Variants in CYREN observed in about 807,000 individuals in gnomAD.
CYREN encodes the protein cell cycle regulator of NHEJ.
A neutral mutation model predicts 9.7 loss-of-function variants in CYREN; 7 were observed. That is an observed-to-expected ratio of 0.72 (90% CI 0.41 to 1.36). CYREN has a LOEUF of 1.36. Among genes scored for constraint, CYREN ranks in the 40% most tolerant of loss-of-function variants. The probability of loss-of-function intolerance (pLI) is 0.01; values close to 1 mark genes in which losing one functional copy is unlikely to be tolerated. For missense variants in CYREN, 215 were observed against 198.1 expected (o/e 1.09, Z -0.51); for synonymous variants, 76 against 77.9 (o/e 0.98, Z 0.13).
intron 2 of CYREN, among the ~76,000 whole-genome samples, chr7:135,152,114 A>G (rs1829678615): frequency 6.6e-6 from 1 of 152,264 alleles, no homozygotes; most frequent in Non-Finnish European, 1.5e-5. Flanking sequence ...TTTAATTTCC[A>G]TAACATCTAC....
At chr7:135,167,661 C>T (rs1170549473) in intron 3 of CYREN, 71 bp downstream of exon 3, 21 of 1,593,070 alleles carry the variant, frequency 1.3e-5, no homozygotes, top group Middle Eastern at 2.1e-4. Flanking sequence ...CTCTTACTGA[C>T]GGTGACCAAG....
chr7:135,095,663 G>GT (rs1822559315), intron 2 of CYREN, among the ~76,000 whole-genome samples: 1 of 152,164 alleles, frequency 6.6e-6, no homozygotes, highest in Non-Finnish European at 1.5e-5. Context: ...AAGCAACACT[G>GT]TTTTTTGTGC....
intron 2 of CYREN, chr7:135,168,159 G>C: frequency 3.6e-6 from 1 of 280,476 alleles, no homozygotes; most frequent in Non-Finnish European, 6.9e-6. Flanking sequence ...AGCAGGACCA[G>C]ACTTAGGGAA....
chr7:135,166,929 G>A (rs763467056), intron 3 of CYREN, 58 bp from the exon 4 acceptor site: 7 of 1,581,216 alleles, frequency 4.4e-6, no homozygotes, highest in Non-Finnish European at 6.0e-6. Flanking sequence ...CTAACATGCT[G>A]ATCTGTCAGT....
chr7:135,156,650 T>C, intron 2 of CYREN, among the ~76,000 whole-genome samples: 1 of 152,354 alleles, frequency 6.6e-6, no homozygotes, highest in African/African-American at 2.4e-5. Context: ...TTCAGATTTC[T>C]CTTGCACTTC....
chr7:135,115,204 A>G (rs1473125106), intron 2 of CYREN, among the ~76,000 whole-genome samples: 1 of 152,196 alleles, frequency 6.6e-6, no homozygotes, highest in African/African-American at 2.4e-5. Flanking sequence ...CGTAAACTTT[A>G]TCATTATCTA....
intron 3 of CYREN, 22 bp from the exon 4 acceptor site, chr7:135,166,893 AGGCTC>A: frequency 6.2e-7 from 1 of 1,607,538 alleles, no homozygotes; most frequent in South Asian, 1.1e-5. Context: ...GGGAAAACGC[AGGCTC>A]AACATACGTG....
chr7:135,112,441 TA>T (rs1356040354), intron 2 of CYREN, among the ~76,000 whole-genome samples: 1 of 152,234 alleles, frequency 6.6e-6, no homozygotes, highest in African/African-American at 2.4e-5. Flanking sequence ...CATGTCTTCA[TA>T]CCTACCTGAT....
intron 2 of CYREN, among the ~76,000 whole-genome samples, chr7:135,136,303 T>C (rs1184909744): frequency 6.6e-6 from 1 of 152,076 alleles, no homozygotes; most frequent in Admixed American, 6.6e-5. Context: ...ACAGTATTTC[T>C]AGTAGCTAAA....
chr7:135,137,133 C>T (rs902584225), intron 2 of CYREN, among the ~76,000 whole-genome samples: 1 of 151,760 alleles, frequency 6.6e-6, no homozygotes, highest in Non-Finnish European at 1.5e-5. Context: ...AAAACAACTA[C>T]GATGAATATG....
At chr7:135,168,088 A>C in intron 2 of CYREN, 1 of 483,430 alleles carries the variant, frequency 2.1e-6, no homozygotes, top group Non-Finnish European at 3.7e-6. Context: ...CCTCTGAAAC[A>C]CACACATGGA....
At chr7:135,116,116 C>T (rs1826278523) in intron 2 of CYREN, among the ~76,000 whole-genome samples, 1 of 152,040 alleles carries the variant, frequency 6.6e-6, no homozygotes, top group African/African-American at 2.4e-5. Flanking sequence ...AAATACAATA[C>T]TAATATTATC....
At chr7:135,129,705 C>G in intron 2 of CYREN, 1 of 759,982 alleles carries the variant, frequency 1.3e-6, no homozygotes, top group Middle Eastern at 3.9e-4. Flanking sequence ...AACTACTGCT[C>G]AAGATATGGA....
intron 2 of CYREN, among the ~76,000 whole-genome samples, chr7:135,143,848 A>G (rs1303330679): frequency 1.3e-5 from 2 of 152,188 alleles, no homozygotes; most frequent in African/African-American, 4.8e-5. Context: ...CAGAAAATTT[A>G]CTAAATTCCT....
intron 2 of CYREN, among the ~76,000 whole-genome samples, chr7:135,131,910 C>T (rs1267187236): frequency 1.3e-5 from 2 of 152,054 alleles, no homozygotes; most frequent in Non-Finnish European, 2.9e-5. Flanking sequence ...ACACTACACA[C>T]AAATTTGACA....
intron 2 of CYREN, among the ~76,000 whole-genome samples, chr7:135,159,714 C>T (rs1057466798): frequency 6.6e-6 from 1 of 152,206 alleles, no homozygotes; most frequent in Non-Finnish European, 1.5e-5. Context: ...CAAACAAAAA[C>T]TGAAACTCAA....
chr7:135,148,544 A>C (rs924034052), intron 2 of CYREN, among the ~76,000 whole-genome samples: 4 of 152,212 alleles, frequency 2.6e-5, no homozygotes, highest in Non-Finnish European at 5.9e-5. Context: ...AACTGGTTAG[A>C]AACGATGCAG....
intron 2 of CYREN, among the ~76,000 whole-genome samples, chr7:135,142,756 A>T (rs535739875): frequency 4.6e-5 from 7 of 152,314 alleles, no homozygotes; most frequent in Non-Finnish European, 8.8e-5. Context: ...CGAAATACTT[A>T]AGTATGTGTC....
intron 2 of CYREN, among the ~76,000 whole-genome samples, chr7:135,144,938 T>TAAAAAAAAAAAAAAA (rs58443282): frequency 1.3e-4 from 6 of 45,622 alleles, no homozygotes; most frequent in Non-Finnish European, 1.5e-4. Context: ...CTCAAAAGAG[T>TAAAAAAAAAAAAAAA]AAAAAAAAAA....
Sources: allele counts gnomAD v4.1 joint callset (sites outside exome capture counted in the v4.1 genomes callset), GRCh38; gene constraint gnomAD v4.1.1; transcripts MANE v1.5; gene names NCBI Gene and HGNC (gene_info 2026-07-23, HGNC 2026-07-21).